The following PCDHGA12 variants were observed in gnomAD, a reference collection of about 807,000 sequenced individuals.
The protein encoded by PCDHGA12 is protocadherin gamma subfamily A, 12.
A neutral mutation model predicts 61.1 loss-of-function variants in PCDHGA12; 43 were observed. The observed-to-expected ratio is 0.70, with a 90% CI of 0.55 to 0.91. The LOEUF (loss-of-function observed/expected upper bound fraction) is 0.91. Ranked by LOEUF, PCDHGA12 falls within the 40% of genes least tolerant of loss-of-function variation. The probability of loss-of-function intolerance (pLI) is 0.00; values close to 1 mark genes in which losing one functional copy is unlikely to be tolerated. For missense variants in PCDHGA12, 1,236 were observed against 1,227.7 expected, an observed-to-expected ratio of 1.01 and a Z score of -0.10; for synonymous variants, 520 against 542.9, an observed-to-expected ratio of 0.96 and a Z score of 0.59.
intron 2 of PCDHGA12, among the ~76,000 whole-genome samples, chr5:141,498,848 G>T (rs930895553): frequency 6.6e-6 from 1 of 151,908 alleles, no homozygotes; most frequent in African/African-American, 2.4e-5. Context: ...CAGGGGAATC[G>T]CTTGAACCCA....
intron 2 of PCDHGA12, 143 bp from the exon 3 acceptor site, chr5:141,505,250 T>C: frequency 2.8e-6 from 4 of 1,439,476 alleles, no homozygotes; most frequent in Non-Finnish European, 9.3e-7. Flanking sequence ...ATTGTAGAAG[T>C]GCCTCCTACC....
At chr5:141,468,836 A>G (rs1286137807) in intron 1 of PCDHGA12, among the ~76,000 whole-genome samples, 1 of 152,170 alleles carries the variant, frequency 6.6e-6, no homozygotes, top group East Asian at 1.9e-4. Flanking sequence ...ACTGCACTCC[A>G]GCCTGGGCAA....
At chr5:141,446,079 A>T (rs2098487021) in intron 1 of PCDHGA12, among the ~76,000 whole-genome samples, 1 of 152,234 alleles carries the variant, frequency 6.6e-6, no homozygotes, top group Non-Finnish European at 1.5e-5. Context: ...CAGTGGATGT[A>T]GAAATAAATG....
chr5:141,499,689 C>CTTTTTTTT (rs545067566), intron 2 of PCDHGA12, among the ~76,000 whole-genome samples: 2 of 119,854 alleles, frequency 1.7e-5, no homozygotes, highest in Non-Finnish European at 1.7e-5. Context: ...TAACAGATGA[C>CTTTTTTTT]TTTTTTTTTT....
At chr5:141,475,071 C>T (rs1198043142) in intron 1 of PCDHGA12, among the ~76,000 whole-genome samples, 2 of 152,198 alleles carry the variant, frequency 1.3e-5, no homozygotes, top group Non-Finnish European at 2.9e-5. Context: ...AGCTTTGCTG[C>T]CATTATTTCA....
chr5:141,489,776 C>T lies in PCDHGA12; in HGVS notation c.2425-5031C>T. The T allele has an allele frequency of 6.2e-7, 1 of 1,614,202 alleles. No homozygotes were observed. Among genetic ancestry groups the T allele is most frequent in the Non-Finnish European group, 8.5e-7 (1 of 1,180,020 alleles). On this transcript the variant is annotated intron_variant, in intron 1 of 3. Transcript: ENST00000252085. This position sits in a 1 kb window ranked among gnomAD's most constrained non-coding sequence, Gnocchi z 4.5. ...ACTCTAAGCCCCAACAGCCACTTCT[C>T]TCTGAATGTGAAGACCCTAAAAGAT...
intron 1 of PCDHGA12, among the ~76,000 whole-genome samples, chr5:141,465,343 TG>T (rs1048302340): frequency 1.5e-4 from 23 of 152,118 alleles, no homozygotes; most frequent in African/African-American, 5.3e-4. Flanking sequence ...TATTGGTTAC[TG>T]AAGAAAAAAT....
At position 141,510,979 on chromosome 5, in the gene PCDHGA12, G is replaced by T; in HGVS notation, c.2605G>T (p.Gly869Cys). 3.7e-6 allele frequency: 6 copies of T among 1,614,156 alleles called. No individual in the cohort carries two copies. Among genetic ancestry groups the T allele is most frequent in the Non-Finnish European group, 4.2e-6 (5 of 1,180,018 alleles). Residue 869 changes from glycine to cysteine, a missense_variant, in exon 4 of 4, where the codon GGT becomes TGT. Gly to Cys is a radical substitution (Grantham distance 159). Coordinates refer to ENST00000252085, the MANE Select transcript of PCDHGA12 (RefSeq NM_003735.3). ...TGATGGGAGCTCCACCCTGGGAGGGGGTGCCGGCACCATGGGATTGAGCGC... is the reference window on the plus strand; with the variant it reads ...TGATGGGAGCTCCACCCTGGGAGGGTGTGCCGGCACCATGGGATTGAGCGC... Reference protein sequence around the residue: ...AADGSSTLGGGAGTMGLSARY... With the variant: ...AADGSSTLGGCAGTMGLSARY...
intron 1 of PCDHGA12, among the ~76,000 whole-genome samples, chr5:141,483,057 C>T (rs1329609397): frequency 6.6e-6 from 1 of 152,028 alleles, no homozygotes; most frequent in African/African-American, 2.4e-5. Flanking sequence ...TGCACTCCAG[C>T]ATGGGCAACA....
intron 3 of PCDHGA12, chr5:141,507,291 T>A (rs956764262): frequency 3.4e-5 from 5 of 147,704 alleles, no homozygotes; most frequent in African/African-American, 5.1e-5. Flanking sequence ...CAGTCTCAAA[T>A]GTTGCATGAG....
At chr5:141,492,962 C>A (rs1197532146) in intron 1 of PCDHGA12, among the ~76,000 whole-genome samples, 2 of 152,258 alleles carry the variant, frequency 1.3e-5, no homozygotes, top group African/African-American at 2.4e-5. Flanking sequence ...CTATCTGACA[C>A]TCTAACAAGT....
At chr5:141,498,011 G>A (rs995865984) in intron 2 of PCDHGA12, among the ~76,000 whole-genome samples, 2 of 152,204 alleles carry the variant, frequency 1.3e-5, no homozygotes, top group Non-Finnish European at 2.9e-5. Flanking sequence ...ACAGTGCACT[G>A]AAGGAGACAA....
At chr5:141,470,388 T>C (rs1234907080) in intron 1 of PCDHGA12, among the ~76,000 whole-genome samples, 4 of 152,198 alleles carry the variant, frequency 2.6e-5, no homozygotes, top group African/African-American at 9.6e-5. Flanking sequence ...TACTCGATGA[T>C]ATTTAGGATT....
At chr5:141,497,464 T>C (rs1277760390) in intron 2 of PCDHGA12, among the ~76,000 whole-genome samples, 1 of 151,764 alleles carries the variant, frequency 6.6e-6, no homozygotes, top group Admixed American at 6.6e-5. Context: ...CTTGGAGATA[T>C]GGAGGAGAAG....
chr5:141,491,118 T>C lies in PCDHGA12; in HGVS notation c.2425-3689T>C, dbSNP rs1421005816. Reference sequence around the variant, plus strand: ...TGTTCCTCGTGTCTACACACACTGGTGAGGTGCGCACAGCCCGGGCCTTAC... The same window carrying C: ...TGTTCCTCGTGTCTACACACACTGGCGAGGTGCGCACAGCCCGGGCCTTAC... On this transcript the variant is annotated intron_variant, in intron 1 of 3. Coordinates refer to ENST00000252085, the MANE Select transcript of PCDHGA12 (RefSeq NM_003735.3). This position sits in a 1 kb window ranked among gnomAD's most constrained non-coding sequence, Gnocchi z 6.9. The C allele has an allele frequency of 1.2e-6, 2 of 1,613,926 alleles. No homozygotes were observed. Among genetic ancestry groups the C allele is most frequent in the African/African-American group, 2.7e-5 (2 of 74,890 alleles).
At chr5:141,461,757 G>A (rs2099022119) in intron 1 of PCDHGA12, among the ~76,000 whole-genome samples, 1 of 151,994 alleles carries the variant, frequency 6.6e-6, no homozygotes, top group Non-Finnish European at 1.5e-5. Context: ...AGATTCAAGC[G>A]ATTCTCCTGC....
rs187307897 is a variant in PCDHGA12 at position 141,505,900 on chromosome 5, A to G, written c.2572+419A>G. 2.6e-4 allele frequency among the ~76,000 whole-genome samples: 39 copies of G among 152,296 alleles called. 1 individual carries two copies. In the East Asian group the frequency reaches 6.8e-3, roughly 26 times the overall value. ...TGTAGAGATTAAATGAGATGATACCACAAAGCATAGAGTTCTGGGCCTGGC... is the reference window on the plus strand; with the variant it reads ...TGTAGAGATTAAATGAGATGATACCGCAAAGCATAGAGTTCTGGGCCTGGC... On this transcript the variant is annotated intron_variant, in intron 3 of 3. Transcript: ENST00000252085.
At chr5:141,467,582 TGCCATTTATTAA>T (rs2099146610) in intron 1 of PCDHGA12, among the ~76,000 whole-genome samples, 2 of 152,216 alleles carry the variant, frequency 1.3e-5, no homozygotes, top group Non-Finnish European at 1.5e-5. Context: ...GTTGTCCCAA[TGCCATTTATTAA>T]GCACTTCATC....
intron 1 of PCDHGA12, among the ~76,000 whole-genome samples, chr5:141,468,306 C>T (rs1006015063): frequency 9.5e-6 from 1 of 105,260 alleles, no homozygotes; most frequent in African/African-American, 3.7e-5. Context: ...GCCTGGGCAA[C>T]AAGAGCAACG....
Sources: allele counts gnomAD v4.1 joint callset (sites outside exome capture counted in the v4.1 genomes callset), GRCh38; gene constraint gnomAD v4.1.1; non-coding constraint Gnocchi (gnomAD v3.1); transcripts MANE v1.5; gene names NCBI Gene and HGNC (gene_info 2026-07-23, HGNC 2026-07-21).